ANAPC1: variants seen among roughly 807,000 people sequenced by gnomAD.
ANAPC1 encodes anaphase-promoting complex subunit 1.
In ANAPC1, 36 loss-of-function variants were observed where a neutral mutation model predicts 208.0. The ratio of observed to expected loss-of-function variants is 0.17; its 90% CI spans 0.13 to 0.23. ANAPC1 has a LOEUF of 0.23. Among genes scored for constraint, ANAPC1 ranks in the 10% least tolerant of loss-of-function variants. The pLI is 1.00. For synonymous variants in ANAPC1, 378 were observed against 695.2 expected (o/e 0.54, Z 7.18); for missense variants, 942 against 2,011.6 (o/e 0.47, Z 10.17).
chr2:111,832,442 G>T (rs926636967), intron 20 of ANAPC1, among the ~76,000 whole-genome samples: 1 of 152,082 alleles, frequency 6.6e-6, no homozygotes, highest in Non-Finnish European at 1.5e-5. Flanking sequence ...TTAGCTCAGG[G>T]TCTAGGATAG....
intron 2 of ANAPC1, among the ~76,000 whole-genome samples, chr2:111,879,423 C>A (rs1173690257): frequency 1.3e-5 from 2 of 152,236 alleles, no homozygotes; most frequent in African/African-American, 2.4e-5. Context: ...TTTGTCCCAC[C>A]CACCAAAATG....
At chr2:111,774,207 A>C (rs1408420981) in intron 46 of ANAPC1, among the ~76,000 whole-genome samples, 1 of 151,154 alleles carries the variant, frequency 6.6e-6, no homozygotes, top group East Asian at 1.9e-4. Flanking sequence ...CAAAGGAGTG[A>C]CAGTGAAATG....
chr2:111,835,832 A>G (rs1176690642), intron 18 of ANAPC1, among the ~76,000 whole-genome samples: 1 of 152,070 alleles, frequency 6.6e-6, no homozygotes, highest in African/African-American at 2.4e-5. Flanking sequence ...ACAGAGCGAG[A>G]CTCCATCTCA....
chr2:111,778,946 A>T (rs1314262223), intron 44 of ANAPC1, 176 bp from the exon 45 acceptor site: 1 of 152,592 alleles, frequency 6.6e-6, no homozygotes, highest in African/African-American at 2.7e-5. Context: ...ATTAAAAAAA[A>T]AAAATTAAGT....
chr2:111,792,536 T>G lies in ANAPC1; in HGVS notation c.4538A>C (p.Glu1513Ala). The G allele has an allele frequency of 1.2e-6, 2 of 1,613,714 alleles. No individual in the cohort carries two copies. Among genetic ancestry groups the G allele is most frequent in the South Asian group, 2.2e-5 (2 of 90,998 alleles). ...NASVTGPHNL[E>A]TCLSVVLLSL... ...CAGCAGCACCACGCTCAGACAAGTT[T>G]CTAGGTTATGAGGACCTGTCTGTCA... The change falls in exon 38 of 48, where the codon GAA becomes GCA. Residue 1513 changes from glutamate to alanine, a missense_variant. By Grantham distance (107) the Glu-to-Ala change is moderately radical. Coordinates refer to ENST00000341068, the MANE Select transcript of ANAPC1 (RefSeq NM_022662.4).
intron 43 of ANAPC1, among the ~76,000 whole-genome samples, chr2:111,781,857 T>C (rs1429745804): frequency 6.6e-6 from 1 of 152,282 alleles, no homozygotes; most frequent in African/African-American, 2.4e-5. Flanking sequence ...TATTTCCTTA[T>C]TTCAAACACT....
intron 18 of ANAPC1, among the ~76,000 whole-genome samples, chr2:111,837,974 ATTCAGGAGGCTGAG>A (rs1680561046): frequency 4.6e-5 from 7 of 151,722 alleles, no homozygotes; most frequent in Admixed American, 1.3e-4. Flanking sequence ...AATCCCAGCT[ATTCAGGAGGCTGAG>A]GCAGGAGAAC....
At chr2:111,778,829 A>C (rs1677125940) in intron 44 of ANAPC1, 59 bp from the exon 45 acceptor site, 1 of 1,609,778 alleles carries the variant, frequency 6.2e-7, no homozygotes, top group Non-Finnish European at 8.5e-7. Flanking sequence ...TTCAAAAACG[A>C]ATTGTATAGC....
intron 11 of ANAPC1, among the ~76,000 whole-genome samples, 198 bp downstream of exon 11, chr2:111,858,108 C>T (rs3863969): frequency 0.58 from 88,180 of 151,646 alleles, 26,560 homozygotes; most frequent in South Asian, 0.69. Context: ...TCTTGTAAAA[C>T]TGGGTCATGG....
In ANAPC1 at chr2:111,768,344, ATTTC is replaced by A. The variant is rs1676542377; in HGVS notation, c.*943_*946del. ...AATTTCTAAAGAGCCCTCTGTAGTA[ATTTC>A]TTATTTTATCTATTTAGAGCAGGCT... On this transcript the variant is annotated 3_prime_UTR_variant, in exon 48 of 48. Transcript: ENST00000341068. 1 of 151,990 alleles carries A rather than the reference ATTTC, an allele frequency of 6.6e-6. No homozygotes were observed. Among genetic ancestry groups the A allele is most frequent in the African/African-American group, 2.4e-5 (1 of 41,320 alleles). The allele number at this position is 151,990 out of a possible 1,614,324, so 9.4% of individuals were successfully genotyped here.
At chr2:111,790,126 T>C (rs1181940039) in intron 38 of ANAPC1, among the ~76,000 whole-genome samples, 1 of 152,210 alleles carries the variant, frequency 6.6e-6, no homozygotes, top group African/African-American at 2.4e-5. Context: ...ACTGTAGCCA[T>C]TGATCAAGGT....
chr2:111,847,687 G>A lies in ANAPC1; in HGVS notation c.1791+38C>T, dbSNP rs530585598. 5 of 1,349,040 alleles carry A rather than the reference G, an allele frequency of 3.7e-6. No individual in the cohort carries two copies. In the African/African-American group the frequency reaches 7.4e-5, roughly 20 times the overall value. The allele number at this position is 1,349,040 out of a possible 1,614,324, so 83.6% of individuals were successfully genotyped here. On this transcript the variant is annotated intron_variant, in intron 15 of 47. Coordinates refer to ENST00000341068, the MANE Select transcript of ANAPC1 (RefSeq NM_022662.4). ...GTATTCTGTCAAATTTGAAATGCCA[G>A]CCCACTTCTTGGAAAGCTACCAAAT...
At chr2:111,870,404 G>A (rs1282604667) in intron 6 of ANAPC1, among the ~76,000 whole-genome samples, 1 of 152,058 alleles carries the variant, frequency 6.6e-6, no homozygotes, top group African/African-American at 2.4e-5. Context: ...CTTTAATAAT[G>A]GCCATTCCTT....
In ANAPC1 at chr2:111,823,698, A is replaced by G. The variant is rs371674493; in HGVS notation, c.2813-1098T>C. ...TGAAGAAAAAGGAACACATATTTAC[A>G]TCTATATATTTTCAAAACTACATAA... On this transcript the variant is annotated intron_variant, in intron 24 of 47. Coordinates refer to ENST00000341068, the MANE Select transcript of ANAPC1 (RefSeq NM_022662.4). 5.3e-5 allele frequency among the ~76,000 whole-genome samples: 8 copies of G among 152,294 alleles called. No homozygotes were observed. The East Asian group carries it at 9.6e-4, about 18-fold the overall frequency.
intron 12 of ANAPC1, 26 bp downstream of exon 12, chr2:111,856,770 C>T (rs1453188721): frequency 6.2e-7 from 1 of 1,613,552 alleles, no homozygotes. Flanking sequence ...GCGTAATTGT[C>T]AACTTCTCAA....
At chr2:111,867,557 T>A (rs1438329924) in intron 7 of ANAPC1, among the ~76,000 whole-genome samples, 1 of 151,756 alleles carries the variant, frequency 6.6e-6, no homozygotes, top group Non-Finnish European at 1.5e-5. Context: ...CCAGGCATGG[T>A]GGCGTGTGCC....
chr2:111,782,314 G>C, intron 43 of ANAPC1, 55 bp downstream of exon 43: 1 of 1,611,236 alleles, frequency 6.2e-7, no homozygotes, highest in Non-Finnish European at 8.5e-7. Context: ...CAATGGGCGA[G>C]GAAGCCGGCA....
chr2:111,880,965 G>C lies in ANAPC1; in HGVS notation c.-24-116C>G. 2.1e-6 allele frequency: 2 copies of C among 946,754 alleles called. 1 individual carries two copies. The highest frequency in any genetic ancestry group is 3.4e-5 in the South Asian group (2 of 58,704). 58.6% of individuals were successfully genotyped at this position (946,754 alleles called of 1,614,324 possible). On this transcript the variant is annotated intron_variant, in intron 1 of 47. Transcript: ENST00000341068. ...GGTGTCAAGTAATTATATCAGACTG[G>C]TAAGTATATAAGTTGGTCATAACAT...
rs999970059 is a variant in ANAPC1 at position 111,847,644 on chromosome 2, T to C, written c.1791+81A>G. 19 of 1,328,106 alleles carry C rather than the reference T, an allele frequency of 1.4e-5. 1 individual carries two copies. In the African/African-American group the frequency reaches 1.9e-4, roughly 14 times the overall value. 82.3% of individuals were successfully genotyped at this position (1,328,106 alleles called of 1,614,324 possible). On this transcript the variant is annotated intron_variant, in intron 15 of 47. Coordinates refer to ENST00000341068, the MANE Select transcript of ANAPC1 (RefSeq NM_022662.4). ...AAATCATGAGAAATGTTTGTTGTCATTTTTCAGACAAAATTCTGTATTCTG... is the reference window on the plus strand; with the variant it reads ...AAATCATGAGAAATGTTTGTTGTCACTTTTCAGACAAAATTCTGTATTCTG...
Sources: gnomAD v4.1 joint callset for allele counts (sites outside exome capture counted in the v4.1 genomes callset) on GRCh38, gnomAD v4.1.1 for gene constraint, MANE v1.5 for transcripts, NCBI Gene and HGNC (gene_info 2026-07-23, HGNC 2026-07-21) for gene names.